Variants in KDM4B observed in about 807,000 individuals in gnomAD.
The protein encoded by KDM4B is lysine demethylase 4B, also known as lysine-specific demethylase 4B.
KDM4B carries 32 observed loss-of-function variants against 125.2 expected under a neutral mutation model. That is an observed-to-expected ratio of 0.26 (90% CI 0.19 to 0.34). KDM4B has a LOEUF of 0.34. KDM4B is among the 10% of genes least tolerant of loss of function. The pLI, the probability that KDM4B is intolerant of heterozygous loss-of-function variation, is 1.00. For synonymous variants in KDM4B, 721 were observed against 677.9 expected (o/e 1.06, Z -0.99); for missense variants, 1,190 against 1,577.7 (o/e 0.75, Z 4.16).
chr19:5,119,071 G>T, intron 10 of KDM4B: 2 of 1,239,940 alleles, frequency 1.6e-6, no homozygotes, highest in Non-Finnish European at 2.3e-6. Context: ...GTCCTGGGGA[G>T]TTGAGCAGAA....
intron 1 of KDM4B, among the ~76,000 whole-genome samples, chr19:5,012,853 C>T (rs1048248089): frequency 5.9e-5 from 9 of 152,232 alleles, no homozygotes; most frequent in Non-Finnish European, 8.8e-5. Flanking sequence ...CCCCGACTTT[C>T]CATTTGTGCA....
intron 2 of KDM4B, among the ~76,000 whole-genome samples, chr19:5,019,468 G>GGGTGTT: frequency 8.2e-6 from 1 of 121,702 alleles, no homozygotes. Flanking sequence ...GTGCAGGTGT[G>GGGTGTT]GGTGTTGGTG....
rs1321574381 is a variant in KDM4B, at chr19:5,122,038, C to T, written c.1315+2186C>T. Among the ~76,000 whole-genome samples the T allele has an allele frequency of 2.6e-5, 4 of 152,272 alleles. No homozygotes were observed. In the East Asian group the frequency reaches 7.7e-4, roughly 29 times the overall value. On this transcript the variant is annotated intron_variant, in intron 11 of 22. Transcript: ENST00000159111. ...CCCTGGGGCCGCTGAAATGAAGGAC[C>T]ATGACCTTGGTGGCGTAAAACAACA...
At chr19:5,083,044 T>A (rs2038353000) in intron 9 of KDM4B, among the ~76,000 whole-genome samples, 1 of 151,928 alleles carries the variant, frequency 6.6e-6, no homozygotes, top group Non-Finnish European at 1.5e-5. Context: ...GCTGGTGGGG[T>A]CCCTGGAGGT....
chr19:5,093,999 G>A (rs1449667343), intron 9 of KDM4B, among the ~76,000 whole-genome samples: 1 of 152,248 alleles, frequency 6.6e-6, no homozygotes, highest in Non-Finnish European at 1.5e-5. Flanking sequence ...AGGCTGAGAT[G>A]GGTGTGTGGC....
At chr19:5,059,887 C>T (rs534195763) in intron 6 of KDM4B, among the ~76,000 whole-genome samples, 29 of 152,346 alleles carry the variant, frequency 1.9e-4, no homozygotes, top group South Asian at 8.3e-4. Context: ...CAGGGCCTCA[C>T]GCCCCACTGC....
At chr19:4,992,098 G>A (rs1389614523) in intron 1 of KDM4B, among the ~76,000 whole-genome samples, 2 of 152,136 alleles carry the variant, frequency 1.3e-5, no homozygotes, top group African/African-American at 4.8e-5. Context: ...GCGACAGAGT[G>A]GAAGCAGAGT....
At chr19:5,137,113 C>T (rs962882783) in intron 15 of KDM4B, 149 bp from the exon 16 acceptor site, 2 of 629,932 alleles carry the variant, frequency 3.2e-6, no homozygotes, top group Non-Finnish European at 5.8e-6. Flanking sequence ...ACAGCACGCA[C>T]CCTGAATGCT....
intron 10 of KDM4B, 143 bp from the exon 11 acceptor site, chr19:5,119,510 C>A: frequency 1.2e-6 from 1 of 845,160 alleles, no homozygotes. Context: ...CCCTTTACCC[C>A]CGGCCTCCAG....
At chr19:5,119,989 G>T (rs2039330964) in intron 11 of KDM4B, 137 bp downstream of exon 11, 1 of 1,154,586 alleles carries the variant, frequency 8.7e-7, no homozygotes, top group Middle Eastern at 3.0e-4. Flanking sequence ...TGCCAGGGTG[G>T]GGCATTTCGT....
In KDM4B at chr19:5,142,502, C is replaced by T. The variant is rs1444543063; in HGVS notation, c.2551-1465C>T. Among the ~76,000 whole-genome samples, 1 of 152,190 alleles carries T rather than the reference C, an allele frequency of 6.6e-6. No individual in the cohort carries two copies. Among genetic ancestry groups the T allele is most frequent in the Non-Finnish European group, 1.5e-5 (1 of 68,020 alleles). On this transcript the variant is annotated intron_variant, in intron 18 of 22. Coordinates refer to ENST00000159111, the MANE Select transcript of KDM4B (RefSeq NM_015015.3). The surrounding 1 kb of genome is among the most constrained non-coding windows in gnomAD (Gnocchi z 5.4). Reference sequence around the variant, plus strand: ...ATGCAGGGTCATGGGCTGCCTGCTACCACGAGGCGGAAGGGGATGGTGCTG... The same window carrying T: ...ATGCAGGGTCATGGGCTGCCTGCTATCACGAGGCGGAAGGGGATGGTGCTG...
intron 6 of KDM4B, among the ~76,000 whole-genome samples, chr19:5,063,704 T>A (rs1449004882): frequency 6.6e-6 from 1 of 152,168 alleles, no homozygotes; most frequent in Non-Finnish European, 1.5e-5. Context: ...GGTGAATAGG[T>A]CCTCAGGTTC....
chr19:5,006,208 G>A (rs1563142), intron 1 of KDM4B, among the ~76,000 whole-genome samples: 135 of 151,908 alleles, frequency 8.9e-4, no homozygotes, highest in African/African-American at 3.1e-3. Flanking sequence ...CCCTGTCCCC[G>A]TCTGTCCCGC....
intron 9 of KDM4B, among the ~76,000 whole-genome samples, chr19:5,101,758 A>C (rs1199760291): frequency 6.6e-6 from 1 of 151,460 alleles, no homozygotes; most frequent in African/African-American, 2.4e-5. Context: ...GGAGGGCCTC[A>C]CTCGGTGCTT....
intron 6 of KDM4B, 21 bp from the exon 7 acceptor site, chr19:5,070,989 C>A: frequency 6.2e-7 from 1 of 1,613,518 alleles, no homozygotes; most frequent in South Asian, 1.1e-5. Flanking sequence ...TTGCCTCTGA[C>A]GTGCCTCCCT....
intron 9 of KDM4B, among the ~76,000 whole-genome samples, chr19:5,095,629 G>T: frequency 6.6e-6 from 1 of 152,224 alleles, no homozygotes. Context: ...CAGATCGCAA[G>T]GGGCTGGCCA....
intron 1 of KDM4B, among the ~76,000 whole-genome samples, chr19:5,000,168 A>C (rs1319211752): frequency 2.3e-5 from 2 of 85,354 alleles, no homozygotes; most frequent in Admixed American, 1.2e-4. Flanking sequence ...CCATCTATCC[A>C]CCTGTCCACC....
rs1458066896 is a variant in KDM4B at position 5,034,786 on chromosome 19, A to G, written c.141+1755A>G. On this transcript the variant is annotated intron_variant, in intron 3 of 22. Transcript: ENST00000159111. ...CTCTGAGCTGTAGAGCGAGGGAAGCAGTCTCGCACCATCTTTTCTTCCCCT... is the reference window on the plus strand; with the variant it reads ...CTCTGAGCTGTAGAGCGAGGGAAGCGGTCTCGCACCATCTTTTCTTCCCCT... Among the ~76,000 whole-genome samples the G allele has an allele frequency of 2.0e-5, 3 of 152,186 alleles. No homozygotes were observed. The East Asian group carries it at 5.8e-4, about 29-fold the overall frequency.
At chr19:5,149,703 C>T (rs1482481356) in intron 21 of KDM4B, among the ~76,000 whole-genome samples, 1 of 152,210 alleles carries the variant, frequency 6.6e-6, no homozygotes, top group Non-Finnish European at 1.5e-5. Context: ...CGAGCCTGAG[C>T]TGGCACCAAG....
Sources: allele counts gnomAD v4.1 joint callset (sites outside exome capture counted in the v4.1 genomes callset), GRCh38; gene constraint gnomAD v4.1.1; non-coding constraint Gnocchi (gnomAD v3.1); transcripts MANE v1.5; gene names NCBI Gene and HGNC (gene_info 2026-07-23, HGNC 2026-07-21).